Variants in BRF1 observed in about 807,000 individuals in gnomAD.
BRF1 encodes the protein transcription factor IIIB 90 kDa subunit.
A neutral mutation model predicts 81.7 loss-of-function variants in BRF1; 59 were observed. That is an observed-to-expected ratio of 0.72 (90% CI 0.59 to 0.90). The LOEUF is 0.90. Among genes scored for constraint, BRF1 ranks in the 40% least tolerant of loss-of-function variants. BRF1 has a pLI of 0.00. For synonymous variants in BRF1, 491 were observed against 395.6 expected (o/e 1.24, Z -2.86); for missense variants, 1,050 against 936.3 (o/e 1.12, Z -1.58).
At position 105,300,433 on chromosome 14, in the gene BRF1, C is replaced by G; in HGVS notation, c.184+13G>C. 2 of 1,517,224 alleles carry G rather than the reference C, an allele frequency of 1.3e-6. No homozygotes were observed. The highest frequency in any genetic ancestry group is 8.8e-7 in the Non-Finnish European group (1 of 1,138,644). The allele number at this position is 1,517,224 out of a possible 1,614,324, so 94.0% of individuals were successfully genotyped here. A position where few individuals can be genotyped will look rare whatever the true frequency, so the allele number is the denominator to read the frequency against. On this transcript the variant is annotated intron_variant, in intron 1 of 17. Coordinates refer to ENST00000547530, the MANE Select transcript of BRF1 (RefSeq NM_001519.4). Reference sequence around the variant, plus strand: ...ACCGAGAAATCCGCGCAGCGCCAGCCCGCGGGACTCACCGTCCAGGGACAC... The same window carrying G: ...ACCGAGAAATCCGCGCAGCGCCAGCGCGCGGGACTCACCGTCCAGGGACAC...
At chr14:105,247,974 G>A in intron 5 of BRF1, 3 of 985,534 alleles carry the variant, frequency 3.0e-6, no homozygotes, top group Non-Finnish European at 3.6e-6. Context: ...GAGCCACAGA[G>A]GCAGGGCGCG....
chr14:105,273,508 A>G (rs1211901899), intron 2 of BRF1, among the ~76,000 whole-genome samples: 1 of 152,146 alleles, frequency 6.6e-6, no homozygotes, highest in Non-Finnish European at 1.5e-5. Flanking sequence ...TACTGTGTCT[A>G]TGCAGAAAGG....
chr14:105,301,004 T>G (rs1485035836), upstream of BRF1: 1 of 152,430 alleles, frequency 6.6e-6, no homozygotes, highest in Admixed American at 6.6e-5. Context: ...GGACTGGCGC[T>G]TGGGGGCGGG....
intron 15 of BRF1, chr14:105,217,298 TAG>T (rs1463312810): frequency 3.3e-6 from 2 of 614,994 alleles, no homozygotes; most frequent in African/African-American, 3.7e-5. Context: ...AAACAGAGCC[TAG>T]GCTGCAGGAC....
In BRF1 at chr14:105,241,450, T is replaced by G. The variant is rs761286183; in HGVS notation, c.545-36A>C. On this transcript the variant is annotated intron_variant, in intron 5 of 17. Coordinates refer to ENST00000547530, the MANE Select transcript of BRF1 (RefSeq NM_001519.4). Reference sequence around the variant, plus strand: ...CACAGCACCTCAGTGCCCACCTCCATGTGCCATGGCACGTGCACAGGCGGC... The same window carrying G: ...CACAGCACCTCAGTGCCCACCTCCAGGTGCCATGGCACGTGCACAGGCGGC... 5.6e-6 allele frequency: 9 copies of G among 1,606,390 alleles called. No homozygotes were observed. The Admixed American group carries it at 1.3e-4, about 24-fold the overall frequency.
chr14:105,292,804 A>AGGCACAG (rs1320386414), intron 1 of BRF1, among the ~76,000 whole-genome samples: 1 of 151,310 alleles, frequency 6.6e-6, no homozygotes. Context: ...ACCCCTTCCC[A>AGGCACAG]GGCACAGACC....
intron 3 of BRF1, among the ~76,000 whole-genome samples, chr14:105,262,198 C>T (rs763844181): frequency 2.2e-4 from 34 of 152,104 alleles, no homozygotes; most frequent in Non-Finnish European, 4.1e-4. Flanking sequence ...GGGTCACTCA[C>T]CCCAGAGCTC....
intron 1 of BRF1, among the ~76,000 whole-genome samples, chr14:105,307,053 T>C (rs1595519132): frequency 1.4e-5 from 2 of 147,426 alleles, no homozygotes; most frequent in East Asian, 3.9e-4. Context: ...TCTTTTTTTC[T>C]TTTTTTTTTG....
At chr14:105,212,206 C>T in intron 15 of BRF1, 42 bp from the exon 16 acceptor site, 1 of 1,593,520 alleles carries the variant, frequency 6.3e-7, no homozygotes, top group South Asian at 1.1e-5. Flanking sequence ...GCCCAGGCTC[C>T]CGAACGCCTG....
At position 105,289,785 on chromosome 14, in the gene BRF1, G is replaced by A. The variant is rs148075466; in HGVS notation, c.185-3409C>T. Among the ~76,000 whole-genome samples, 574 of 152,304 alleles carry A rather than the reference G, an allele frequency of 3.8e-3. 1 individual carries two copies. Among genetic ancestry groups the A allele is most frequent in the African/African-American group, 0.013 (551 of 41,580 alleles). On this transcript the variant is annotated intron_variant, in intron 1 of 17. Coordinates refer to ENST00000547530, the MANE Select transcript of BRF1 (RefSeq NM_001519.4). ...TGAGTAGCTGGAACTACAGGTGCGTGCCACCACGCCCAGCTGATTTTTGTA... is the reference window on the plus strand; with the variant it reads ...TGAGTAGCTGGAACTACAGGTGCGTACCACCACGCCCAGCTGATTTTTGTA...
chr14:105,252,494 C>T lies in BRF1; in HGVS notation c.544+13G>A, dbSNP rs1459426234. ...GCCTGCCGGACACCCCAGCATCTCA[C>T]CCAGATGCCTACCTATGGCCGGCGC... On this transcript the variant is annotated intron_variant, in intron 5 of 17. Transcript: ENST00000547530. 6.2e-7 allele frequency: 1 copy of T among 1,612,970 alleles called. No homozygotes were observed. The highest frequency in any genetic ancestry group is 8.5e-7 in the Non-Finnish European group (1 of 1,179,672).
At chr14:105,249,543 A>G (rs1458700011) in intron 5 of BRF1, 3 of 1,597,350 alleles carry the variant, frequency 1.9e-6, no homozygotes, top group Non-Finnish European at 2.6e-6. Flanking sequence ...AGGCTTCTGA[A>G]GGGAAGCACA....
intron 5 of BRF1, 23 bp downstream of exon 5, chr14:105,252,484 C>A: frequency 6.2e-7 from 1 of 1,612,026 alleles, no homozygotes; most frequent in Non-Finnish European, 8.5e-7. Flanking sequence ...CCGGACACCC[C>A]AGCATCTCAC....
At chr14:105,307,135 G>A (rs896667779) in intron 1 of BRF1, among the ~76,000 whole-genome samples, 3 of 150,012 alleles carry the variant, frequency 2.0e-5, no homozygotes, top group Non-Finnish European at 4.4e-5. Flanking sequence ...GTCTCAAACT[G>A]CTGGGCTCAA....
At chr14:105,308,994 GAA>G (rs1405740183) in intron 1 of BRF1, among the ~76,000 whole-genome samples, 1 of 151,906 alleles carries the variant, frequency 6.6e-6, no homozygotes, top group African/African-American at 2.4e-5. Flanking sequence ...GAAAAAAAAA[GAA>G]AAAGACAAAC....
rs374999456 is a variant in BRF1, at chr14:105,220,135, A to G, written c.1316-5T>C. 4.5e-5 allele frequency: 72 copies of G among 1,613,252 alleles called. No individual in the cohort carries two copies. Among genetic ancestry groups the G allele is most frequent in the Middle Eastern group, 1.6e-4 (1 of 6,084 alleles). On this transcript the variant is annotated splice_region_variant and splice_polypyrimidine_tract_variant and intron_variant, in intron 11 of 17. Transcript: ENST00000547530. The stretch of plus-strand genomic sequence containing the variant: ...CACCGTCTCCTGAAGCATCTTCTGG[A>G]GGGAAGCACAGCATCCGCGTCACTC...
intron 2 of BRF1, among the ~76,000 whole-genome samples, chr14:105,286,092 C>T (rs2057303821): frequency 6.6e-6 from 1 of 152,218 alleles, no homozygotes; most frequent in African/African-American, 2.4e-5. Context: ...TCTCCCCAAA[C>T]AGCCCTGGCA....
chr14:105,304,283 A>G (rs1351372748), upstream of BRF1, among the ~76,000 whole-genome samples: 1 of 152,136 alleles, frequency 6.6e-6, no homozygotes, highest in Non-Finnish European at 1.5e-5. Flanking sequence ...CGAGGTCAAG[A>G]GATCAAGACC....
chr14:105,229,513 G>A (rs587748942), intron 6 of BRF1, among the ~76,000 whole-genome samples: 43 of 152,332 alleles, frequency 2.8e-4, no homozygotes, highest in Non-Finnish European at 4.6e-4. Flanking sequence ...CTCCAATTCC[G>A]GAGCTGGGGT....
Sources: gnomAD v4.1 joint callset for allele counts (sites outside exome capture counted in the v4.1 genomes callset) on GRCh38, gnomAD v4.1.1 for gene constraint, MANE v1.5 for transcripts, NCBI Gene and HGNC (gene_info 2026-07-23, HGNC 2026-07-21) for gene names.